The following MACROD2 variants were observed in gnomAD, a reference collection of about 807,000 sequenced individuals.
The protein encoded by MACROD2 is mono-ADP ribosylhydrolase 2, also known as ADP-ribose glycohydrolase MACROD2.
A neutral mutation model predicts 70.4 loss-of-function variants in MACROD2; 36 were observed. The ratio of observed to expected loss-of-function variants is 0.51; its 90% confidence interval spans 0.39 to 0.68. MACROD2 has a LOEUF of 0.68. Among genes scored for constraint, MACROD2 ranks in the 30% least tolerant of loss-of-function variants. The probability of loss-of-function intolerance (pLI) is 0.00; values close to 1 mark genes in which losing one functional copy is unlikely to be tolerated. For synonymous variants in MACROD2, 172 were observed against 178.8 expected (o/e 0.96, Z 0.30); for missense variants, 496 against 538.4 (o/e 0.92, Z 0.78).
At chr20:15,835,473 A>G (rs1195967941) in intron 8 of MACROD2, among the ~76,000 whole-genome samples, 3 of 152,064 alleles carry the variant, frequency 2.0e-5, no homozygotes, top group African/African-American at 4.8e-5. Context: ...AGCACCATTA[A>G]CTATTATATT....
chr20:14,259,227 T>C (rs2082083143), intron 3 of MACROD2, among the ~76,000 whole-genome samples: 1 of 152,118 alleles, frequency 6.6e-6, no homozygotes, highest in Non-Finnish European at 1.5e-5. Flanking sequence ...AGGCAAAAGA[T>C]TTCTTTAATG....
intron 15 of MACROD2, among the ~76,000 whole-genome samples, chr20:15,992,632 G>A (rs1056523351): frequency 4.5e-4 from 68 of 152,228 alleles, no homozygotes; most frequent in African/African-American, 1.6e-3. Flanking sequence ...TCCAGCATCC[G>A]GCTACATCCT....
chr20:16,008,654 A>G (rs1443854619), intron 15 of MACROD2, among the ~76,000 whole-genome samples: 2 of 152,226 alleles, frequency 1.3e-5, no homozygotes, highest in East Asian at 1.9e-4. Context: ...TAGGGATGAT[A>G]TGATTTAACA....
At chr20:15,254,630 C>A (rs899811139) in intron 6 of MACROD2, among the ~76,000 whole-genome samples, 1 of 152,044 alleles carries the variant, frequency 6.6e-6, no homozygotes, top group Non-Finnish European at 1.5e-5. Flanking sequence ...TATCATAGTA[C>A]CTGAGTATAC....
chr20:15,126,428 T>A (rs2076067549), intron 5 of MACROD2, among the ~76,000 whole-genome samples: 2 of 151,892 alleles, frequency 1.3e-5, no homozygotes, highest in South Asian at 2.1e-4. Flanking sequence ...TTAGAAAGAG[T>A]GAACAACTTT....
chr20:14,492,392 C>G (rs534510536), intron 3 of MACROD2, among the ~76,000 whole-genome samples: 2 of 152,226 alleles, frequency 1.3e-5, no homozygotes, highest in East Asian at 3.9e-4. Context: ...CATTTGGTCT[C>G]TATGTATTTT....
intron 8 of MACROD2, among the ~76,000 whole-genome samples, chr20:15,587,370 TG>T (rs2048616931): frequency 6.6e-6 from 1 of 152,160 alleles, no homozygotes; most frequent in African/African-American, 2.4e-5. Context: ...GAGATTTGAA[TG>T]GGGACACAGC....
At chr20:15,366,453 A>C (rs1480972378) in intron 6 of MACROD2, among the ~76,000 whole-genome samples, 1 of 152,214 alleles carries the variant, frequency 6.6e-6, no homozygotes, top group Non-Finnish European at 1.5e-5. Context: ...AGAAATCAAA[A>C]TCATCCATAT....
chr20:14,681,707 C>T (rs2070934827), intron 4 of MACROD2, among the ~76,000 whole-genome samples: 1 of 152,096 alleles, frequency 6.6e-6, no homozygotes, highest in Admixed American at 6.6e-5. Context: ...GTCAAAACTG[C>T]ACACTTAAAA....
chr20:15,673,581 T>C, intron 8 of MACROD2, among the ~76,000 whole-genome samples: 1 of 152,222 alleles, frequency 6.6e-6, no homozygotes, highest in East Asian at 1.9e-4. Context: ...CACCTGTTCA[T>C]GGTCTATGTC....
intron 8 of MACROD2, among the ~76,000 whole-genome samples, chr20:15,846,377 T>C (rs1380062856): frequency 6.6e-6 from 1 of 152,178 alleles, no homozygotes; most frequent in African/African-American, 2.4e-5. Flanking sequence ...GTTGCTTTAA[T>C]TAGTTCTTTT....
intron 5 of MACROD2, among the ~76,000 whole-genome samples, chr20:14,722,351 G>T (rs1253969519): frequency 6.6e-6 from 1 of 152,144 alleles, no homozygotes; most frequent in Non-Finnish European, 1.5e-5. Context: ...ATGAGGTAAA[G>T]AATTGAGAAC....
chr20:15,607,034 G>A (rs1019876377), intron 8 of MACROD2, among the ~76,000 whole-genome samples: 23 of 148,248 alleles, frequency 1.6e-4, no homozygotes, highest in Non-Finnish European at 2.4e-4. Context: ...GGGAAACTAA[G>A]ACTGGGCATG....
chr20:14,049,729 C>G (rs745680152), intron 2 of MACROD2, among the ~76,000 whole-genome samples: 20 of 151,180 alleles, frequency 1.3e-4, no homozygotes, highest in Non-Finnish European at 2.5e-4. Flanking sequence ...GTACTCCAGC[C>G]TGGGTGACAA....
chr20:15,302,458 T>G (rs574709726), intron 6 of MACROD2, among the ~76,000 whole-genome samples: 48 of 152,338 alleles, frequency 3.2e-4, no homozygotes, highest in Non-Finnish European at 6.2e-4. Context: ...GTCTGCTGTT[T>G]GCCTTACTCA....
chr20:15,354,382 G>T (rs2078262974), intron 6 of MACROD2, among the ~76,000 whole-genome samples: 1 of 152,140 alleles, frequency 6.6e-6, no homozygotes, highest in Non-Finnish European at 1.5e-5. Flanking sequence ...GATAGCATTA[G>T]GAGATATACC....
chr20:14,069,576 T>TA (rs1417171223), intron 2 of MACROD2, among the ~76,000 whole-genome samples: 8 of 150,664 alleles, frequency 5.3e-5, no homozygotes, highest in Non-Finnish European at 8.8e-5. Flanking sequence ...GAAATGGCAT[T>TA]AAAAAAACAG....
chr20:14,834,461 GGTAT>G (rs1461236388), intron 5 of MACROD2, among the ~76,000 whole-genome samples: 1 of 151,784 alleles, frequency 6.6e-6, no homozygotes, highest in East Asian at 1.9e-4. Flanking sequence ...GATCCGTAGT[GGTAT>G]AAATCAGGGG....
At chr20:14,151,105 A>G (rs1485958681) in intron 3 of MACROD2, among the ~76,000 whole-genome samples, 1 of 152,218 alleles carries the variant, frequency 6.6e-6, no homozygotes, top group Non-Finnish European at 1.5e-5. Flanking sequence ...GCTGTCTGTC[A>G]CTTCATGATA....
Sources: allele counts gnomAD v4.1 joint callset (sites outside exome capture counted in the v4.1 genomes callset), GRCh38; gene constraint gnomAD v4.1.1; transcripts MANE v1.5; gene names NCBI Gene and HGNC (gene_info 2026-07-23, HGNC 2026-07-21).